RBFOX1: variants seen among roughly 807,000 people sequenced by gnomAD.
RBFOX1 encodes RNA binding fox-1 homolog 1.
In RBFOX1, 8 loss-of-function variants were observed where a neutral mutation model predicts 57.7. That is an observed-to-expected ratio of 0.14 (90% CI 0.08 to 0.25). The LOEUF (loss-of-function observed/expected upper bound fraction) is 0.25. Ranked by LOEUF, RBFOX1 falls within the 10% of genes least tolerant of loss-of-function variation. The probability of loss-of-function intolerance (pLI) is 1.00; values close to 1 mark genes in which losing one functional copy is unlikely to be tolerated. For missense variants in RBFOX1, 611 were observed against 548.5 expected, an observed-to-expected ratio of 1.11 and a Z score of -1.14; for synonymous variants, 326 against 222.4, an observed-to-expected ratio of 1.47 and a Z score of -4.15.
At chr16:6,250,813 A>G (rs897311624) in intron 1 of RBFOX1, among the ~76,000 whole-genome samples, 5 of 152,176 alleles carry the variant, frequency 3.3e-5, no homozygotes, top group Admixed American at 3.3e-4. Context: ...AATGGCAGAC[A>G]TAGTATATTT....
chr16:6,142,351 A>G (rs1317656928), intron 1 of RBFOX1, among the ~76,000 whole-genome samples: 2 of 150,978 alleles, frequency 1.3e-5, no homozygotes, highest in South Asian at 4.2e-4. Context: ...CCTCCCGAGT[A>G]GCTGGGACTA....
intron 3 of RBFOX1, 111 bp from the exon 4 acceptor site, chr16:7,051,946 A>G (rs777890218): frequency 2.1e-6 from 3 of 1,459,882 alleles, no homozygotes; most frequent in Non-Finnish European, 2.8e-6. Flanking sequence ...ATAATTAATT[A>G]ATTATGGGTT....
intron 1 of RBFOX1, among the ~76,000 whole-genome samples, chr16:5,457,631 C>G (rs2068669705): frequency 6.6e-6 from 1 of 152,172 alleles, no homozygotes; most frequent in African/African-American, 2.4e-5. Context: ...ATGGAGCACT[C>G]TTTCTCCTCT....
chr16:5,258,040 G>T (rs1353281305), intron 1 of RBFOX1, among the ~76,000 whole-genome samples: 2 of 152,030 alleles, frequency 1.3e-5, no homozygotes, highest in Admixed American at 6.6e-5. Flanking sequence ...CACCTTGCCT[G>T]ACTAATTTGT....
intron 3 of RBFOX1, among the ~76,000 whole-genome samples, chr16:6,734,645 A>G (rs1224120530): frequency 6.6e-6 from 1 of 152,062 alleles, no homozygotes; most frequent in African/African-American, 2.4e-5. Context: ...TTTCTTTGTG[A>G]TAGTTTCTCC....
chr16:7,141,828 C>G (rs1013449543), intron 4 of RBFOX1, among the ~76,000 whole-genome samples: 2 of 152,166 alleles, frequency 1.3e-5, no homozygotes, highest in African/African-American at 4.8e-5. Context: ...AGCCTTCTGA[C>G]TGGACACCAT....
At chr16:7,143,634 G>A (rs1238314023) in intron 4 of RBFOX1, among the ~76,000 whole-genome samples, 1 of 152,156 alleles carries the variant, frequency 6.6e-6, no homozygotes, top group Non-Finnish European at 1.5e-5. Flanking sequence ...TTGAAGGGGA[G>A]TGAGTGAGTC....
chr16:5,706,620 T>A (rs545176129), intron 3 of RBFOX1, among the ~76,000 whole-genome samples: 1 of 152,248 alleles, frequency 6.6e-6, no homozygotes, highest in Non-Finnish European at 1.5e-5. Flanking sequence ...TTGCATTGTT[T>A]TAATTTTCTC....
intron 4 of RBFOX1, among the ~76,000 whole-genome samples, chr16:7,366,417 G>A (rs1041340603): frequency 6.6e-6 from 1 of 152,108 alleles, no homozygotes. Flanking sequence ...TGGCTGAGCC[G>A]AGTTTGGCCT....
chr16:5,283,548 C>T (rs1234926370), intron 1 of RBFOX1, among the ~76,000 whole-genome samples: 1 of 152,146 alleles, frequency 6.6e-6, no homozygotes, highest in Non-Finnish European at 1.5e-5. Context: ...CTCCCAAGGC[C>T]ATGGGAGCCC....
intron 1 of RBFOX1, among the ~76,000 whole-genome samples, chr16:5,295,293 G>C (rs1027209447): frequency 2.6e-5 from 4 of 152,128 alleles, no homozygotes; most frequent in Admixed American, 1.3e-4. Context: ...TCCAGGTTCT[G>C]CATTTCCCTC....
At chr16:5,314,422 G>A (rs185256348) in intron 1 of RBFOX1, among the ~76,000 whole-genome samples, 238 of 152,378 alleles carry the variant, frequency 1.6e-3, no homozygotes, top group African/African-American at 5.5e-3. Context: ...GGATCTGGGA[G>A]AAGCAGCACC....
chr16:6,682,111 C>G (rs949232658), intron 3 of RBFOX1, among the ~76,000 whole-genome samples: 1 of 152,158 alleles, frequency 6.6e-6, no homozygotes, highest in Non-Finnish European at 1.5e-5. Context: ...TAAAGTTCTT[C>G]CTGGGCAATA....
intron 1 of RBFOX1, among the ~76,000 whole-genome samples, chr16:6,031,664 G>A (rs2035592): frequency 0.95 from 144,323 of 152,232 alleles, 68,448 homozygotes; most frequent in African/African-American, 0.98. Context: ...TGTGGCATGC[G>A]CATACGTGCA....
intron 3 of RBFOX1, among the ~76,000 whole-genome samples, chr16:5,608,889 G>A (rs1291866125): frequency 1.3e-5 from 2 of 152,196 alleles, no homozygotes; most frequent in African/African-American, 4.8e-5. Context: ...GCTCTTTAGT[G>A]CCCCTAATAA....
intron 4 of RBFOX1, among the ~76,000 whole-genome samples, chr16:7,292,123 A>C (rs2095793277): frequency 7.4e-6 from 1 of 135,230 alleles, no homozygotes; most frequent in African/African-American, 2.8e-5. Context: ...TATAATATAT[A>C]ATATATAATG....
At chr16:7,599,883 TG>T (rs1403757610) in intron 9 of RBFOX1, among the ~76,000 whole-genome samples, 1 of 151,784 alleles carries the variant, frequency 6.6e-6, no homozygotes, top group East Asian at 1.9e-4. Context: ...GTGATGTGCC[TG>T]TCTTGGCCTC....
At chr16:6,987,472 C>G (rs1009214222) in intron 3 of RBFOX1, among the ~76,000 whole-genome samples, 6 of 113,734 alleles carry the variant, frequency 5.3e-5, no homozygotes, top group African/African-American at 3.1e-4. Context: ...CACACACACA[C>G]ACACACACAC....
intron 3 of RBFOX1, among the ~76,000 whole-genome samples, chr16:6,767,910 A>G (rs534503188): frequency 1.7e-3 from 222 of 134,304 alleles, no homozygotes; most frequent in Non-Finnish European, 3.2e-3. Flanking sequence ...TAAGGACTCT[A>G]TCTCAATAAT....
Sources: gnomAD v4.1 joint callset for allele counts (sites outside exome capture counted in the v4.1 genomes callset) on GRCh38, gnomAD v4.1.1 for gene constraint, MANE v1.5 for transcripts, NCBI Gene and HGNC (gene_info 2026-07-23, HGNC 2026-07-21) for gene names.